EYS: variants seen among roughly 807,000 people sequenced by gnomAD.
EYS encodes protein eyes shut homolog.
In EYS, 250 loss-of-function variants were observed where a neutral mutation model predicts 282.1. The observed-to-expected ratio is 0.89, with a 90% CI of 0.80 to 0.98. The LOEUF (loss-of-function observed/expected upper bound fraction) is 0.98. Ranked by LOEUF, EYS falls within the 50% of genes least tolerant of loss-of-function variation. EYS has a pLI of 0.00. For synonymous variants in EYS, 1,355 were observed against 1,282.9 expected, an observed-to-expected ratio of 1.06 and a Z score of -1.20; for missense variants, 4,016 against 3,709.0, an observed-to-expected ratio of 1.08 and a Z score of -2.15.
intron 2 of EYS, among the ~76,000 whole-genome samples, chr6:65,572,863 G>C (rs372065925): frequency 5.9e-5 from 9 of 151,970 alleles, no homozygotes; most frequent in African/African-American, 2.2e-4. Flanking sequence ...CCATGATTAA[G>C]CATTTTAAAA....
intron 22 of EYS, among the ~76,000 whole-genome samples, chr6:64,779,481 TG>T (rs1773790125): frequency 6.6e-6 from 1 of 151,994 alleles, no homozygotes; most frequent in South Asian, 2.1e-4. Context: ...TGCCAGGAGT[TG>T]GGTTGGGGGA....
chr6:63,858,749 C>T (rs1177118528), intron 36 of EYS, among the ~76,000 whole-genome samples: 4 of 152,038 alleles, frequency 2.6e-5, no homozygotes, highest in Admixed American at 1.3e-4. Context: ...ATGTGTTGAA[C>T]GGTGGGGCAA....
At chr6:64,154,560 G>C (rs1329979580) in intron 31 of EYS, among the ~76,000 whole-genome samples, 1 of 151,812 alleles carries the variant, frequency 6.6e-6, no homozygotes, top group East Asian at 1.9e-4. Flanking sequence ...TAAAATGGCA[G>C]GGTAGCTACT....
chr6:64,046,073 TAATA>T (rs952317927), intron 33 of EYS, among the ~76,000 whole-genome samples: 34 of 148,026 alleles, frequency 2.3e-4, no homozygotes, highest in Admixed American at 6.1e-4. Flanking sequence ...ATTTTATATA[TAATA>T]AATATCTTAC....
At chr6:65,556,642 G>A (rs1562257330) in intron 2 of EYS, among the ~76,000 whole-genome samples, 1 of 152,044 alleles carries the variant, frequency 6.6e-6, no homozygotes, top group Non-Finnish European at 1.5e-5. Context: ...TTATAATAAT[G>A]TAGGTATTTT....
chr6:65,151,688 C>T (rs989602004), intron 12 of EYS, among the ~76,000 whole-genome samples: 3 of 151,978 alleles, frequency 2.0e-5, no homozygotes, highest in African/African-American at 7.2e-5. Context: ...AATATACAAA[C>T]ACATATATAT....
At chr6:64,439,096 C>T (rs1774848972) in intron 27 of EYS, 66 bp downstream of exon 27, 1 of 823,888 alleles carries the variant, frequency 1.2e-6, no homozygotes, top group East Asian at 3.1e-5. Flanking sequence ...TTGAAAATAA[C>T]CAATGAAGCA....
chr6:65,190,401 T>C (rs1277700729), intron 12 of EYS, among the ~76,000 whole-genome samples: 1 of 150,810 alleles, frequency 6.6e-6, no homozygotes, highest in African/African-American at 2.4e-5. Context: ...TTATTCATTG[T>C]TATACTCATT....
chr6:64,595,251 TAAA>T (rs1052742772), intron 24 of EYS, among the ~76,000 whole-genome samples: 1 of 152,146 alleles, frequency 6.6e-6, no homozygotes, highest in Non-Finnish European at 1.5e-5. Flanking sequence ...CACTTCATAA[TAAA>T]AAGTCTCAAC....
At chr6:63,891,114 A>G (rs1054923494) in intron 35 of EYS, among the ~76,000 whole-genome samples, 5 of 152,220 alleles carry the variant, frequency 3.3e-5, no homozygotes, top group African/African-American at 9.6e-5. Context: ...CTGACAAAAA[A>G]GTACCCAGGA....
chr6:65,237,831 A>T (rs1040495418), intron 12 of EYS, among the ~76,000 whole-genome samples: 13 of 152,174 alleles, frequency 8.5e-5, no homozygotes, highest in Non-Finnish European at 4.4e-5. Context: ...ATGTATGGGT[A>T]TGCAAGAAAT....
chr6:64,789,640 T>C (rs1050020390), intron 22 of EYS, among the ~76,000 whole-genome samples: 1 of 152,144 alleles, frequency 6.6e-6, no homozygotes, highest in African/African-American at 2.4e-5. Flanking sequence ...AAAATTATCA[T>C]TATCACATTG....
intron 5 of EYS, among the ~76,000 whole-genome samples, chr6:65,467,522 TAC>T (rs755653633): frequency 7.2e-6 from 1 of 139,642 alleles, no homozygotes; most frequent in Admixed American, 7.5e-5. Flanking sequence ...CACACACACA[TAC>T]ACACACACAC....
chr6:64,699,093 C>A (rs199828221), intron 22 of EYS, among the ~76,000 whole-genome samples: 8 of 151,934 alleles, frequency 5.3e-5, no homozygotes, highest in Non-Finnish European at 1.2e-4. Flanking sequence ...AATGACAGAT[C>A]GGATAAAGAA....
At chr6:64,799,899 A>G (rs541104285) in intron 22 of EYS, among the ~76,000 whole-genome samples, 58 of 152,022 alleles carry the variant, frequency 3.8e-4, no homozygotes, top group Middle Eastern at 3.4e-3. Context: ...GAAAATACTA[A>G]TAACATTCTC....
chr6:65,563,077 C>T (rs532341904), intron 2 of EYS, among the ~76,000 whole-genome samples: 20 of 152,246 alleles, frequency 1.3e-4, no homozygotes, highest in African/African-American at 4.8e-4. Context: ...TTTCATCCAA[C>T]TGCTTCTTTT....
In EYS at chr6:65,111,084, CG is replaced by C. The variant is rs1289598992; in HGVS notation, c.2024-53358del. Among the ~76,000 whole-genome samples the C allele has an allele frequency of 1.6e-4, 24 of 151,204 alleles. 1 individual carries two copies. Among genetic ancestry groups the C allele is most frequent in the Admixed American group, 4.6e-4 (7 of 15,164 alleles). Reference sequence around the variant, plus strand: ...GAAATATGTGCATAGAAAATATTAACGAAATAAGACTCCAATATTTTATTTT... The same window carrying C: ...GAAATATGTGCATAGAAAATATTAACAAATAAGACTCCAATATTTTATTTT... On this transcript the variant is annotated intron_variant, in intron 12 of 42. Transcript: ENST00000503581.
intron 28 of EYS, among the ~76,000 whole-genome samples, chr6:64,433,154 A>T (rs1031026032): frequency 2.0e-5 from 3 of 151,992 alleles, no homozygotes; most frequent in Non-Finnish European, 4.4e-5. Flanking sequence ...ATAGATCATC[A>T]TGGGCCTAGC....
chr6:64,248,668 T>C (rs1318209964), intron 30 of EYS, among the ~76,000 whole-genome samples: 2 of 152,136 alleles, frequency 1.3e-5, no homozygotes, highest in Non-Finnish European at 2.9e-5. Flanking sequence ...TGGAAAACAG[T>C]ATAGAGATTT....
Sources: gnomAD v4.1 joint callset for allele counts (sites outside exome capture counted in the v4.1 genomes callset) on GRCh38, gnomAD v4.1.1 for gene constraint, MANE v1.5 for transcripts, NCBI Gene and HGNC (gene_info 2026-07-23, HGNC 2026-07-21) for gene names.